The following PRDM11 variants were observed in gnomAD, a reference collection of about 807,000 sequenced individuals.
PRDM11 encodes the protein PR domain-containing protein 11.
PRDM11 carries 20 observed loss-of-function variants against 97.8 expected under a neutral mutation model. The observed-to-expected ratio is 0.20, with a 90% CI of 0.14 to 0.30. The LOEUF (loss-of-function observed/expected upper bound fraction) is 0.30. Ranked by LOEUF, PRDM11 falls within the 10% of genes least tolerant of loss-of-function variation. PRDM11 has a pLI of 1.00. For missense variants in PRDM11, 1,139 were observed against 1,555.2 expected (o/e 0.73, Z 4.50); for synonymous variants, 599 against 637.7 (o/e 0.94, Z 0.91).
Position 45,099,906 on chromosome 11 carries a change from G to A in PRDM11, c.96+4005G>A, listed in dbSNP as rs144942656. 2.8e-3 allele frequency among the ~76,000 whole-genome samples: 421 copies of A among 152,256 alleles called. 1 individual carries two copies. Among genetic ancestry groups the A allele is most frequent in the African/African-American group, 9.6e-3 (400 of 41,540 alleles). On this transcript the variant is annotated intron_variant, in intron 1 of 6. Transcript: ENST00000530656. ...GGACCCAGTTACTCTTACTTCACCC[G>A]CTGTTCTGACAGAGCTGTAGGTCTG...
Position 45,226,606 on chromosome 11 carries a change from A to T in PRDM11, c.1981A>T (p.Ile661Phe). The change falls in exon 8 of 8, where the codon ATC becomes TTC. Residue 661 changes from isoleucine to phenylalanine, a missense_variant. Transcript: ENST00000683152. ...RIRQSPCLSV[I>F]LDGQSDDLLA... ...CCGCCAGTCACCTTGCCTCAGCGTC[A>T]TCCTGGATGGGCAGAGCGACGACCT... is the stretch of plus-strand genomic sequence containing the variant. The T allele has an allele frequency of 6.5e-7, 1 of 1,533,962 alleles. No individual in the cohort carries two copies. The highest frequency in any genetic ancestry group is 8.7e-7 in the Non-Finnish European group (1 of 1,146,726).
At chr11:45,133,243 A>T (rs1852759161) in intron 1 of PRDM11, among the ~76,000 whole-genome samples, 1 of 152,174 alleles carries the variant, frequency 6.6e-6, no homozygotes, top group South Asian at 2.1e-4. Context: ...AATCTGCTAT[A>T]CCACTTCCAT....
At chr11:45,139,031 C>T (rs1356307767) in intron 1 of PRDM11, among the ~76,000 whole-genome samples, 1 of 151,992 alleles carries the variant, frequency 6.6e-6, no homozygotes, top group African/African-American at 2.4e-5. Context: ...CATAATCAAG[C>T]AATTTGCAAA....
At chr11:45,136,511 A>G (rs1852847722) in intron 1 of PRDM11, among the ~76,000 whole-genome samples, 1 of 152,224 alleles carries the variant, frequency 6.6e-6, no homozygotes, top group Admixed American at 6.5e-5. Context: ...GGGCTGCCTT[A>G]GTAGAGAAGA....
At chr11:45,105,725 C>T (rs1443747926) in intron 1 of PRDM11, among the ~76,000 whole-genome samples, 1 of 152,256 alleles carries the variant, frequency 6.6e-6, no homozygotes, top group Admixed American at 6.5e-5. Context: ...GACGTAGCCT[C>T]AGGCTCTGAT....
chr11:45,138,961 T>C (rs1852936207), intron 1 of PRDM11, among the ~76,000 whole-genome samples: 1 of 152,196 alleles, frequency 6.6e-6, no homozygotes, highest in South Asian at 2.1e-4. Flanking sequence ...CCTTAATATG[T>C]AAACTACATT....
At chr11:45,151,597 G>T (rs996693763) in intron 1 of PRDM11, among the ~76,000 whole-genome samples, 5 of 152,368 alleles carry the variant, frequency 3.3e-5, no homozygotes, top group Admixed American at 3.3e-4. Context: ...GTGCAAGTTA[G>T]TCCTTGCCCT....
chr11:45,216,986 A>T (rs1341636811), intron 5 of PRDM11, among the ~76,000 whole-genome samples: 1 of 152,242 alleles, frequency 6.6e-6, no homozygotes, highest in Non-Finnish European at 1.5e-5. Context: ...GAAGAAAAAA[A>T]GGAGAAGACA....
intron 5 of PRDM11, among the ~76,000 whole-genome samples, chr11:45,218,058 C>T (rs900463480): frequency 6.6e-6 from 1 of 152,094 alleles, no homozygotes; most frequent in African/African-American, 2.4e-5. Flanking sequence ...CACCATTTTT[C>T]CATGTCATAA....
At position 45,232,734 on chromosome 11, in the gene PRDM11, C is replaced by A. The variant is rs1435290149; in HGVS notation, c.*4575C>A. 6.6e-6 allele frequency: 1 copy of A among 152,286 alleles called. No homozygotes were observed. Among genetic ancestry groups the A allele is most frequent in the Non-Finnish European group, 1.5e-5 (1 of 68,116 alleles). The allele number at this position is 152,286 out of a possible 1,614,324, so 9.4% of individuals were successfully genotyped here. A position where few individuals can be genotyped will look rare whatever the true frequency, so the allele number is the denominator to read the frequency against. On this transcript the variant is annotated 3_prime_UTR_variant, in exon 8 of 8. Transcript: ENST00000683152. ...TCCTGCTTGGAGGGAAACCCATCTC[C>A]CACTTGGTGGGGGCCCTTCTCTTGC...
chr11:45,153,066 G>A (rs906102666), intron 1 of PRDM11, among the ~76,000 whole-genome samples: 12 of 152,262 alleles, frequency 7.9e-5, no homozygotes, highest in Non-Finnish European at 1.5e-4. Flanking sequence ...AGAGCTGAGA[G>A]TGACCATTCC....
intron 1 of PRDM11, among the ~76,000 whole-genome samples, chr11:45,163,320 T>C (rs1225732743): frequency 6.6e-6 from 1 of 152,140 alleles, no homozygotes; most frequent in Non-Finnish European, 1.5e-5. Context: ...TTCATTTCGA[T>C]TTCATTTCTT....
chr11:45,161,872 A>G (rs1416716299), intron 1 of PRDM11, among the ~76,000 whole-genome samples: 1 of 152,224 alleles, frequency 6.6e-6, no homozygotes, highest in African/African-American at 2.4e-5. Context: ...TCACAGATGC[A>G]GACACTGAGG....
At chr11:45,170,774 G>C (rs960697580) in intron 1 of PRDM11, among the ~76,000 whole-genome samples, 2 of 152,182 alleles carry the variant, frequency 1.3e-5, no homozygotes, top group African/African-American at 4.8e-5. Flanking sequence ...GGGGTAGAGT[G>C]GAAGGAGGGA....
chr11:45,204,388 G>C (rs547563753), intron 4 of PRDM11, among the ~76,000 whole-genome samples: 9 of 152,256 alleles, frequency 5.9e-5, no homozygotes, highest in Non-Finnish European at 1.0e-4. Flanking sequence ...TGTCAGCCAT[G>C]TTGCTGAGTA....
rs368799004 is a variant in PRDM11, at chr11:45,181,780, T to C, written c.14T>C (p.Met5Thr). MTEN[M>T]KECLAQTNAA... ...TCCCAGGACAGAATGACCGAGAACA[T>C]GAAGGAGTGCTTGGCCCAGACCAAT... The change falls in exon 2 of 8, where the codon ATG becomes ACG. Residue 5 changes from methionine (M) to threonine (T), a missense_variant. This residue lies in a region of PRDM11 where 429 missense variants were observed against 510.3 expected (regional missense o/e 0.84). Transcript: ENST00000683152. The C allele has an allele frequency of 2.5e-6, 4 of 1,613,020 alleles. No individual in the cohort carries two copies. Among genetic ancestry groups the C allele is most frequent in the Admixed American group, 1.7e-5 (1 of 59,976 alleles).
chr11:45,140,912 G>C (rs932732715), intron 1 of PRDM11, among the ~76,000 whole-genome samples: 10 of 152,214 alleles, frequency 6.6e-5, no homozygotes, highest in Admixed American at 3.3e-4. Context: ...GACTGAACAA[G>C]TGCTGGAGAA....
At chr11:45,153,344 A>T (rs1334188064) in intron 1 of PRDM11, among the ~76,000 whole-genome samples, 1 of 152,234 alleles carries the variant, frequency 6.6e-6, no homozygotes, top group East Asian at 1.9e-4. Context: ...TGCTTCTGGC[A>T]CCAGATAGCG....
chr11:45,174,270 G>T (rs971773825), intron 1 of PRDM11, among the ~76,000 whole-genome samples: 2 of 152,140 alleles, frequency 1.3e-5, no homozygotes, highest in East Asian at 1.9e-4. Flanking sequence ...GGTGAATATT[G>T]TACAGTATCC....
Sources: gnomAD v4.1 joint callset for allele counts (sites outside exome capture counted in the v4.1 genomes callset) on GRCh38, gnomAD v4.1.1 for gene constraint, gnomAD v4.1.1 regional missense constraint, MANE v1.5 for transcripts, NCBI Gene and HGNC (gene_info 2026-07-23, HGNC 2026-07-21) for gene names.